CACNA2D2: variants seen among roughly 807,000 people sequenced by gnomAD.
CACNA2D2 encodes the protein voltage-dependent calcium channel subunit alpha-2/delta-2.
In CACNA2D2, 48 loss-of-function variants were observed where a neutral mutation model predicts 166.4. The observed-to-expected ratio is 0.29, with a 90% CI of 0.23 to 0.37. The LOEUF is 0.37. Ranked by LOEUF, CACNA2D2 falls within the 10% of genes least tolerant of loss-of-function variation. The pLI is 1.00. For synonymous variants in CACNA2D2, 561 were observed against 573.7 expected (o/e 0.98, Z 0.32); for missense variants, 1,122 against 1,433.0 (o/e 0.78, Z 3.50).
chr3:50,396,738 G>C (rs1221691934), intron 3 of CACNA2D2, among the ~76,000 whole-genome samples: 2 of 152,138 alleles, frequency 1.3e-5, no homozygotes, highest in Non-Finnish European at 2.9e-5. Flanking sequence ...TGTGAGTCAA[G>C]CCTTTGTCAT....
In CACNA2D2 at chr3:50,380,919, G is replaced by A. The variant is rs1364739153; in HGVS notation, c.784+76C>T. The A allele has an allele frequency of 2.5e-6, 4 of 1,581,802 alleles. No individual in the cohort carries two copies. Among genetic ancestry groups the A allele is most frequent in the Non-Finnish European group, 3.5e-6 (4 of 1,159,262 alleles). ...CTACAGAGAAGCCACCCCGCCCCAT[G>A]CCCCCAGGATGGGTGGGCTGGTAGA... On this transcript the variant is annotated intron_variant, in intron 7 of 37. Coordinates refer to ENST00000424201, the MANE Select transcript of CACNA2D2 (RefSeq NM_006030.4). This position sits in a 1 kb window ranked among gnomAD's most constrained non-coding sequence, Gnocchi z 4.9.
chr3:50,387,472 G>T, intron 5 of CACNA2D2, 96 bp downstream of exon 5: 1 of 1,036,100 alleles, frequency 9.7e-7, no homozygotes, highest in Non-Finnish European at 1.5e-6. Flanking sequence ...CTGCAGGGTT[G>T]AGCTCAGAAT....
intron 3 of CACNA2D2, among the ~76,000 whole-genome samples, chr3:50,415,060 G>A (rs533545238): frequency 6.6e-5 from 10 of 152,310 alleles, no homozygotes; most frequent in Non-Finnish European, 1.2e-4. Flanking sequence ...CGGGTCATGG[G>A]GGCCAACACT....
rs1259477407 is a variant in CACNA2D2, at chr3:50,365,327, G to C, written c.3098+29C>G. On this transcript the variant is annotated intron_variant, in intron 35 of 37. Coordinates refer to ENST00000424201, the MANE Select transcript of CACNA2D2 (RefSeq NM_006030.4). This position sits in a 1 kb window ranked among gnomAD's most constrained non-coding sequence, Gnocchi z 4.5. ...CGCCCCGCTCACAGGTTCCGCCCTT[G>C]GCCTCTGGTCCCGCCCCACTGCCAG... 4 of 1,606,888 alleles carry C rather than the reference G, an allele frequency of 2.5e-6. No homozygotes were observed. The African/African-American group carries it at 4.1e-5, about 16-fold the overall frequency.
intron 2 of CACNA2D2, 70 bp from the exon 3 acceptor site, chr3:50,434,499 C>G (rs1340575312): frequency 1.9e-6 from 2 of 1,069,410 alleles, no homozygotes; most frequent in African/African-American, 3.1e-5. Context: ...CCCTGCATAC[C>G]CCTCTGCACA....
At position 50,376,917 on chromosome 3, in the gene CACNA2D2, T is replaced by C. The variant is rs1018681840; in HGVS notation, c.1626+550A>G. 5.3e-5 allele frequency among the ~76,000 whole-genome samples: 8 copies of C among 152,138 alleles called. No homozygotes were observed. Among genetic ancestry groups the C allele is most frequent in the African/African-American group, 1.7e-4 (7 of 41,460 alleles). ...TGATTGTTTTTCACCTTTGGGCCCT[T>C]GGCCAGAGAATTCCCTCTGCCTCCA... On this transcript the variant is annotated intron_variant, in intron 17 of 37. Coordinates refer to ENST00000424201, the MANE Select transcript of CACNA2D2 (RefSeq NM_006030.4). This position sits in a 1 kb window ranked among gnomAD's most constrained non-coding sequence, Gnocchi z 4.3.
intron 4 of CACNA2D2, among the ~76,000 whole-genome samples, chr3:50,390,076 T>C (rs1342367752): frequency 6.6e-6 from 1 of 152,110 alleles, no homozygotes; most frequent in Non-Finnish European, 1.5e-5. Context: ...CCTGAATGTC[T>C]ATCAGCAGTG....
At chr3:50,430,001 G>A (rs1559939656) in intron 3 of CACNA2D2, among the ~76,000 whole-genome samples, 3 of 152,224 alleles carry the variant, frequency 2.0e-5, no homozygotes, top group Non-Finnish European at 1.5e-5. Context: ...TAGGACAATG[G>A]GAGGGACCTG....
At position 50,379,857 on chromosome 3, in the gene CACNA2D2, C is replaced by G; in HGVS notation, c.894-33G>C. 1 of 1,612,950 alleles carries G rather than the reference C, an allele frequency of 6.2e-7. No homozygotes were observed. The highest frequency in any genetic ancestry group is 8.5e-7 in the Non-Finnish European group (1 of 1,179,214). On this transcript the variant is annotated intron_variant, in intron 9 of 37. Coordinates refer to ENST00000424201, the MANE Select transcript of CACNA2D2 (RefSeq NM_006030.4). The surrounding 1 kb of genome is among the most constrained non-coding windows in gnomAD (Gnocchi z 6.5). ...GGTCAGGCAGGGGACGTGGAGGAGC[C>G]AGGGGAACCTCACGTGTTCTCCTGC...
At chr3:50,377,397 G>A in intron 17 of CACNA2D2, 70 bp downstream of exon 17, 2 of 1,304,794 alleles carry the variant, frequency 1.5e-6, no homozygotes, top group Middle Eastern at 1.8e-4. Flanking sequence ...ATACCCATCA[G>A]TCTTCTCTGC....
chr3:50,478,790 A>G (rs1326481589), intron 1 of CACNA2D2, among the ~76,000 whole-genome samples: 1 of 152,236 alleles, frequency 6.6e-6, no homozygotes, highest in East Asian at 1.9e-4. Flanking sequence ...TGCATTTGGT[A>G]CCATCACCTG....
chr3:50,476,843 T>C (rs545737946), intron 1 of CACNA2D2, among the ~76,000 whole-genome samples: 1 of 151,986 alleles, frequency 6.6e-6, no homozygotes, highest in Non-Finnish European at 1.5e-5. Flanking sequence ...CTGCAGACCA[T>C]CCTGCCTCAC....
At chr3:50,465,197 C>T (rs1486665234) in intron 2 of CACNA2D2, among the ~76,000 whole-genome samples, 4 of 152,144 alleles carry the variant, frequency 2.6e-5, no homozygotes, top group African/African-American at 9.7e-5. Flanking sequence ...ACAAAGGCAG[C>T]GATGGAAGGG....
At chr3:50,503,935 C>G (rs866532506), upstream of CACNA2D2, 1 of 152,276 alleles carries the variant, frequency 6.6e-6, no homozygotes, top group Non-Finnish European at 1.5e-5. Context: ...TCCCGGGCCC[C>G]GCGGCCCAAG....
chr3:50,502,912 G>A (rs1303929916), intron 1 of CACNA2D2, among the ~76,000 whole-genome samples: 1 of 152,170 alleles, frequency 6.6e-6, no homozygotes, highest in East Asian at 1.9e-4. Context: ...CAGCGGCAGG[G>A]GAATCAGCTG....
chr3:50,467,333 C>G (rs533355395), intron 2 of CACNA2D2, among the ~76,000 whole-genome samples: 1 of 152,316 alleles, frequency 6.6e-6, no homozygotes, highest in African/African-American at 2.4e-5. Context: ...TCTCCTAGGG[C>G]ATCTGGCATC....
At chr3:50,429,502 C>T (rs1166293445) in intron 3 of CACNA2D2, among the ~76,000 whole-genome samples, 5 of 148,888 alleles carry the variant, frequency 3.4e-5, no homozygotes, top group Non-Finnish European at 7.4e-5. Context: ...CCAGTAATCC[C>T]AGCACTTTGG....
At chr3:50,402,673 G>A (rs758141748) in intron 3 of CACNA2D2, among the ~76,000 whole-genome samples, 7 of 152,166 alleles carry the variant, frequency 4.6e-5, no homozygotes, top group Non-Finnish European at 8.8e-5. Context: ...GGGCTCAAAC[G>A]GGTGGGAATC....
At chr3:50,389,214 G>A (rs1006339847) in intron 4 of CACNA2D2, among the ~76,000 whole-genome samples, 3 of 152,176 alleles carry the variant, frequency 2.0e-5, no homozygotes, top group South Asian at 2.1e-4. Flanking sequence ...CCCTGCGCCC[G>A]GCTCCGACCG....
Sources: allele counts gnomAD v4.1 joint callset (sites outside exome capture counted in the v4.1 genomes callset), GRCh38; gene constraint gnomAD v4.1.1; non-coding constraint Gnocchi (gnomAD v3.1); transcripts MANE v1.5; gene names NCBI Gene and HGNC (gene_info 2026-07-23, HGNC 2026-07-21).